KDM1B: variants seen among roughly 807,000 people sequenced by gnomAD.
KDM1B encodes the protein lysine-specific histone demethylase 2.
KDM1B carries 63 observed loss-of-function variants against 107.4 expected under a neutral mutation model. The ratio of observed to expected loss-of-function variants is 0.59; its 90% confidence interval spans 0.48 to 0.72. KDM1B has a LOEUF of 0.72. Ranked by LOEUF, KDM1B falls within the 30% of genes least tolerant of loss-of-function variation. The pLI is 0.00. For missense variants in KDM1B, 749 were observed against 1,020.8 expected (o/e 0.73, Z 3.63); for synonymous variants, 363 against 363.9 (o/e 1.00, Z 0.03).
At chr6:18,180,825 C>T (rs1035024180) in intron 7 of KDM1B, among the ~76,000 whole-genome samples, 1 of 152,198 alleles carries the variant, frequency 6.6e-6, no homozygotes, top group African/African-American at 2.4e-5. Context: ...CTTGGCCTCT[C>T]AAAGTGCTGG....
rs548475439 is a variant in KDM1B, at chr6:18,173,015, G to A, written c.534+1536G>A. Among the ~76,000 whole-genome samples the A allele has an allele frequency of 8.6e-5, 13 of 151,698 alleles. 1 individual carries two copies. In the South Asian group the frequency reaches 2.7e-3, roughly 32 times the overall value. ...TAAGGTAGGAGAATCACTTGAACCC[G>A]GGAGGTGGAGGTTGCAGTGAGCTGA... On this transcript the variant is annotated intron_variant, in intron 7 of 21. Coordinates refer to ENST00000650836, the MANE Select transcript of KDM1B (RefSeq NM_001364614.2).
chr6:18,208,097 T>G lies in KDM1B; in HGVS notation c.1792-35T>G, dbSNP rs1473599788. On this transcript the variant is annotated intron_variant, in intron 16 of 21. Transcript: ENST00000650836. ...AAGGATCCTGGATCACGTGGTTCCA[T>G]CCCTCACTTTTTTTCATAATTGCTT... 2.7e-6 allele frequency: 4 copies of G among 1,488,176 alleles called. No individual in the cohort carries two copies. In the East Asian group the frequency reaches 9.0e-5, roughly 34 times the overall value. The allele number at this position is 1,488,176 out of a possible 1,614,324, so 92.2% of individuals were successfully genotyped here.
intron 7 of KDM1B, among the ~76,000 whole-genome samples, chr6:18,184,259 G>A (rs971397136): frequency 6.9e-6 from 1 of 144,946 alleles, no homozygotes; most frequent in Non-Finnish European, 1.5e-5. Flanking sequence ...CCTACACTAT[G>A]ATTGTTCTAG....
intron 5 of KDM1B, among the ~76,000 whole-genome samples, chr6:18,165,414 G>T (rs964930678): frequency 6.6e-6 from 1 of 152,030 alleles, no homozygotes; most frequent in Non-Finnish European, 1.5e-5. Flanking sequence ...ACAGGCGTGA[G>T]CCACCGTACC....
rs1324565391 is a variant in KDM1B at position 18,209,048 on chromosome 6, A to C, written c.1866+842A>C. ...CTCTCCACATTTTTTTAAACCACGGAATCCTTCTTCAGATCAGGAAAGTTC... is the reference window on the plus strand; with the variant it reads ...CTCTCCACATTTTTTTAAACCACGGCATCCTTCTTCAGATCAGGAAAGTTC... On this transcript the variant is annotated intron_variant, in intron 17 of 21. Coordinates refer to ENST00000650836, the MANE Select transcript of KDM1B (RefSeq NM_001364614.2). The surrounding 1 kb of genome is among the most constrained non-coding windows in gnomAD (Gnocchi z 4.3). 3.9e-5 allele frequency among the ~76,000 whole-genome samples: 6 copies of C among 152,114 alleles called. No individual in the cohort carries two copies. The highest frequency in any genetic ancestry group is 1.4e-4 in the African/African-American group (6 of 41,402).
At chr6:18,161,017 G>C (rs1784938469) in intron 3 of KDM1B, among the ~76,000 whole-genome samples, 2 of 151,780 alleles carry the variant, frequency 1.3e-5, no homozygotes, top group African/African-American at 2.4e-5. Flanking sequence ...GCCACCCAAA[G>C]TGCTGGGGAT....
chr6:18,194,240 C>A (rs1300317528), intron 10 of KDM1B, among the ~76,000 whole-genome samples: 1 of 152,142 alleles, frequency 6.6e-6, no homozygotes, highest in Non-Finnish European at 1.5e-5. Flanking sequence ...GTCTCGAACT[C>A]CTGACCTCAG....
rs745527605 is a variant in KDM1B at position 18,200,585 on chromosome 6, C to T, written c.1359+9C>T. The stretch of plus-strand genomic sequence containing the variant: ...CATTAATGTGTGAACAAGTGAGTTT[C>T]TTTTAGCTTTGTGTTGTAGATAAAG... On this transcript the variant is annotated intron_variant, in intron 13 of 21. Transcript: ENST00000650836. The surrounding 1 kb of genome is among the most constrained non-coding windows in gnomAD (Gnocchi z 4.3). 6 of 1,607,092 alleles carry T rather than the reference C, an allele frequency of 3.7e-6. No individual in the cohort carries two copies. The highest frequency in any genetic ancestry group is 4.2e-6 in the Non-Finnish European group (5 of 1,177,446).
chr6:18,173,856 G>T (rs1785819639), intron 7 of KDM1B, among the ~76,000 whole-genome samples: 1 of 152,026 alleles, frequency 6.6e-6, no homozygotes, highest in African/African-American at 2.4e-5. Flanking sequence ...CTCGATCTCG[G>T]CTCACTGCAA....
In KDM1B at chr6:18,222,845, TTC is replaced by T. The variant is rs1789866808; in HGVS notation, c.*855_*856del. The T allele has an allele frequency of 6.6e-6, 1 of 152,624 alleles. No individual in the cohort carries two copies. The highest frequency in any genetic ancestry group is 2.4e-5 in the African/African-American group (1 of 41,454). 9.5% of individuals were successfully genotyped at this position (152,624 alleles called of 1,614,324 possible). A position where few individuals can be genotyped will look rare whatever the true frequency, so the allele number is the denominator to read the frequency against. The stretch of plus-strand genomic sequence containing the variant: ...ATAATTTAACCAAGCCCCTCTCCAC[TTC>T]TTTTATTTAAAAGCACTGATTCAAT... On this transcript the variant is annotated 3_prime_UTR_variant, in exon 22 of 22. Coordinates refer to ENST00000650836, the MANE Select transcript of KDM1B (RefSeq NM_001364614.2).
chr6:18,158,232 T>C (rs1411028288), intron 2 of KDM1B, among the ~76,000 whole-genome samples: 1 of 150,866 alleles, frequency 6.6e-6, no homozygotes, highest in East Asian at 1.9e-4. Flanking sequence ...TATGTAGGGA[T>C]TATGTGTTCA....
At position 18,222,136 on chromosome 6, in the gene KDM1B, C is replaced by G. The variant is rs1296531595; in HGVS notation, c.*144C>G. ...TCTAAGGCGATATGATAATGCAAAC[C>G]TATTTCATCACTCTAAAAGCACTGA... On this transcript the variant is annotated 3_prime_UTR_variant, in exon 22 of 22. Coordinates refer to ENST00000650836, the MANE Select transcript of KDM1B (RefSeq NM_001364614.2). The G allele has an allele frequency of 1.3e-6, 1 of 777,018 alleles. No individual in the cohort carries two copies. Among genetic ancestry groups the G allele is most frequent in the Non-Finnish European group, 2.3e-6 (1 of 440,862 alleles). The allele number at this position is 777,018 out of a possible 1,614,324, so 48.1% of individuals were successfully genotyped here.
chr6:18,178,240 G>A (rs1339535855), intron 7 of KDM1B, among the ~76,000 whole-genome samples: 1 of 147,194 alleles, frequency 6.8e-6, no homozygotes, highest in East Asian at 2.0e-4. Flanking sequence ...CCACCACCAC[G>A]CCCAGCTAAT....
At chr6:18,215,882 CAG>C (rs1789188002) in intron 20 of KDM1B, among the ~76,000 whole-genome samples, 1 of 151,944 alleles carries the variant, frequency 6.6e-6, no homozygotes. Flanking sequence ...CGCACACATG[CAG>C]ATAGTCTCTT....
chr6:18,170,976 A>G (rs574096685), intron 6 of KDM1B, among the ~76,000 whole-genome samples: 1 of 151,924 alleles, frequency 6.6e-6, no homozygotes, highest in Admixed American at 6.6e-5. Flanking sequence ...GCCCGCCACC[A>G]CGCCTGGCTA....
In KDM1B at chr6:18,191,444, A is replaced by C. The variant is rs1026353514; in HGVS notation, c.969+63A>C. The C allele has an allele frequency of 1.4e-6, 2 of 1,458,776 alleles. No individual in the cohort carries two copies. The highest frequency in any genetic ancestry group is 1.8e-6 in the Non-Finnish European group (2 of 1,083,092). The allele number at this position is 1,458,776 out of a possible 1,614,324, so 90.4% of individuals were successfully genotyped here. A position where few individuals can be genotyped will look rare whatever the true frequency, so the allele number is the denominator to read the frequency against. On this transcript the variant is annotated intron_variant, in intron 10 of 21. Transcript: ENST00000650836. The surrounding 1 kb of genome is among the most constrained non-coding windows in gnomAD (Gnocchi z 5.1). ...GGAGGACCATGTTGAAAAGGAGGGG[A>C]TACTTCATCTGGGGATGGAACCTTT... is the stretch of plus-strand genomic sequence containing the variant.
chr6:18,198,606 C>T (rs1192437991), intron 12 of KDM1B, among the ~76,000 whole-genome samples: 1 of 139,882 alleles, frequency 7.1e-6, no homozygotes, highest in Non-Finnish European at 1.5e-5. Context: ...CCACTGCACT[C>T]CAGCCTGGGT....
rs1341677277 is a variant in KDM1B at position 18,209,732 on chromosome 6, C to G, written c.1866+1526C>G. Among the ~76,000 whole-genome samples the G allele has an allele frequency of 6.6e-6, 1 of 152,074 alleles. No homozygotes were observed. The highest frequency in any genetic ancestry group is 2.4e-5 in the African/African-American group (1 of 41,400). ...GGGATCCTCTCACCTGAGCCTCCCT[C>G]GAGTAGCTGGGATTACAGGCATGCA... is the stretch of plus-strand genomic sequence containing the variant. On this transcript the variant is annotated intron_variant, in intron 17 of 21. Coordinates refer to ENST00000650836, the MANE Select transcript of KDM1B (RefSeq NM_001364614.2). This position sits in a 1 kb window ranked among gnomAD's most constrained non-coding sequence, Gnocchi z 4.3.
intron 7 of KDM1B, among the ~76,000 whole-genome samples, chr6:18,173,745 C>T (rs1411120877): frequency 6.6e-6 from 1 of 152,030 alleles, no homozygotes; most frequent in African/African-American, 2.4e-5. Flanking sequence ...GCTAAAAAGA[C>T]TGTATTTTTC....
Sources: gnomAD v4.1 joint callset for allele counts (sites outside exome capture counted in the v4.1 genomes callset) on GRCh38, gnomAD v4.1.1 for gene constraint, Gnocchi (gnomAD v3.1) non-coding constraint, MANE v1.5 for transcripts, NCBI Gene and HGNC (gene_info 2026-07-23, HGNC 2026-07-21) for gene names.